The following FOXN3 variants were observed in gnomAD, a reference collection of about 807,000 sequenced individuals.
The protein encoded by FOXN3 is forkhead box protein N3.
Under a neutral mutation model 38.4 loss-of-function variants are expected in FOXN3, and 7 were observed. The observed-to-expected ratio is 0.18, with a 90% CI of 0.10 to 0.34. FOXN3 has a LOEUF of 0.34. Ranked by LOEUF, FOXN3 falls within the 10% of genes least tolerant of loss-of-function variation. The pLI is 1.00. For missense variants in FOXN3, 456 were observed against 613.4 expected (o/e 0.74, Z 2.71); for synonymous variants, 230 against 242.2 (o/e 0.95, Z 0.47).
In FOXN3 at chr14:89,426,371, G is replaced by A. The variant is rs1260465418; in HGVS notation, c.-14-13881C>T. On this transcript the variant is annotated intron_variant, in intron 1 of 6. Coordinates refer to the FOXN3 transcript ENST00000345097. ...CTCCTGAGTAGCTGGGATTACAGGCGCCCACCATCACGCCCAGCTAATTTT... is the reference window on the plus strand; with the variant it reads ...CTCCTGAGTAGCTGGGATTACAGGCACCCACCATCACGCCCAGCTAATTTT... Among the ~76,000 whole-genome samples, 5 of 145,522 alleles carry A rather than the reference G, an allele frequency of 3.4e-5. No individual in the cohort carries two copies. The East Asian group carries it at 6.0e-4, about 17-fold the overall frequency.
intron 3 of FOXN3, among the ~76,000 whole-genome samples, chr14:89,333,990 A>ATC (rs1813721137): frequency 2.2e-5 from 2 of 90,774 alleles, no homozygotes; most frequent in African/African-American, 1.1e-4. Flanking sequence ...ATATATATAT[A>ATC]TATATATATA....
chr14:89,197,838 C>T (rs1007063037), intron 4 of FOXN3, among the ~76,000 whole-genome samples: 18 of 152,320 alleles, frequency 1.2e-4, no homozygotes, highest in African/African-American at 3.6e-4. Flanking sequence ...AGGCGAAGAA[C>T]GGCTGTCGCA....
In FOXN3 at chr14:89,162,840, C is replaced by T. The variant is rs775759046; in HGVS notation, c.981G>A (p.Ser327=). The T allele has an allele frequency of 2.0e-5, 33 of 1,611,462 alleles. No individual in the cohort carries two copies. The highest frequency in any genetic ancestry group is 2.7e-5 in the Non-Finnish European group (32 of 1,179,940). ...AGGAGGAGATGGAGTCGCTGGTGGG[C>T]GAGGTGCTCCGGGCGTTGGAGGACT... The part of the protein sequence containing the change: ...SAKSSNARST[S]PTSDSISSSS... Residue 327 remains serine, a synonymous_variant, in exon 6 of 6, where the codon TCG becomes TCA. Transcript: ENST00000557258. This position sits in a 1 kb window ranked among gnomAD's most constrained non-coding sequence, Gnocchi z 7.2.
chr14:89,310,167 A>G (rs1319811944), intron 3 of FOXN3, among the ~76,000 whole-genome samples: 1 of 152,212 alleles, frequency 6.6e-6, no homozygotes. Context: ...CTCTGCTACA[A>G]TGAATAGCTT....
chr14:89,547,224 GTTATTTATTTATTTATTTATTTAT>G (rs142859577), intron 1 of FOXN3, among the ~76,000 whole-genome samples: 131 of 144,862 alleles, frequency 9.0e-4, no homozygotes, highest in African/African-American at 3.1e-3. Flanking sequence ...CAGACACTAG[GTTATTTATTTATTTATTTATTTAT>G]TTATTTATTT....
rs1467605292 is a variant in FOXN3, at chr14:89,511,199, TTTCTTTTC to T, written c.-14-98717_-14-98710del. Among the ~76,000 whole-genome samples, 7 of 18,088 alleles carry T rather than the reference TTTCTTTTC, an allele frequency of 3.9e-4. 2 individuals are homozygous for T. Among genetic ancestry groups the T allele is most frequent in the Non-Finnish European group, 8.6e-4 (3 of 3,476 alleles). 11.9% of individuals were successfully genotyped at this position (18,088 alleles called of 152,430 possible). A position where few individuals can be genotyped will look rare whatever the true frequency, so the allele number is the denominator to read the frequency against. ...TTTCTTTCTTTCTTTCTTTTCTTTC[TTTCTTTTC>T]TTTCTTTCTTTCTTTCTTTCTTTTC... is the stretch of plus-strand genomic sequence containing the variant. On this transcript the variant is annotated intron_variant, in intron 1 of 6. Transcript: ENST00000345097.
At chr14:89,522,574 T>C (rs1321135664) in intron 1 of FOXN3, among the ~76,000 whole-genome samples, 1 of 152,086 alleles carries the variant, frequency 6.6e-6, no homozygotes, top group Non-Finnish European at 1.5e-5. Flanking sequence ...AAGTAAAACA[T>C]ATGTCAACAA....
intron 3 of FOXN3, chr14:89,284,329 G>GGTC (rs1886550317): frequency 2.6e-6 from 1 of 384,942 alleles, no homozygotes; most frequent in African/African-American, 2.1e-5. Context: ...GTTCTATAGG[G>GGTC]AGACAGACAG....
chr14:89,229,382 C>T (rs901383986), intron 4 of FOXN3, among the ~76,000 whole-genome samples: 6 of 152,154 alleles, frequency 3.9e-5, no homozygotes, highest in Non-Finnish European at 7.3e-5. Context: ...TAAGCTCTTG[C>T]CACTCTGACC....
intron 4 of FOXN3, among the ~76,000 whole-genome samples, chr14:89,239,312 C>T (rs930707327): frequency 3.3e-5 from 5 of 152,268 alleles, no homozygotes; most frequent in African/African-American, 7.2e-5. Flanking sequence ...TTGTTAATTT[C>T]GTAAGCGGGG....
chr14:89,505,452 T>G lies in FOXN3; in HGVS notation c.-14-92962A>C, dbSNP rs1238077740. 7.2e-5 allele frequency among the ~76,000 whole-genome samples: 11 copies of G among 152,216 alleles called. No homozygotes were observed. In the South Asian group the frequency reaches 1.7e-3, roughly 23 times the overall value. On this transcript the variant is annotated intron_variant, in intron 1 of 6. Transcript: ENST00000345097. ...GCCACGCCTGACTGGTTTTCGTATT[T>G]TTTTGGTGGAGACGGGGTTTCGCTG...
chr14:89,604,146 A>T (rs1198620233), intron 1 of FOXN3, among the ~76,000 whole-genome samples: 4 of 152,000 alleles, frequency 2.6e-5, no homozygotes, highest in Non-Finnish European at 5.9e-5. Flanking sequence ...CTCACTTTCA[A>T]CTCCAACCCA....
chr14:89,505,288 C>T (rs1893891104), intron 1 of FOXN3, among the ~76,000 whole-genome samples: 1 of 151,060 alleles, frequency 6.6e-6, no homozygotes, highest in Non-Finnish European at 1.5e-5. Flanking sequence ...CTCCCCCTCC[C>T]CCTCCCCCTC....
intron 2 of FOXN3, among the ~76,000 whole-genome samples, chr14:89,355,598 C>T (rs762742663): frequency 5.9e-5 from 9 of 152,038 alleles, no homozygotes; most frequent in Non-Finnish European, 1.2e-4. Flanking sequence ...ATGAAATGAA[C>T]GGAATGGATC....
At chr14:89,390,313 C>A (rs12882919) in intron 2 of FOXN3, among the ~76,000 whole-genome samples, 65,886 of 143,200 alleles carry the variant, frequency 0.46, 15,270 homozygotes, top group South Asian at 0.49. Flanking sequence ...CTCTCTCTCT[C>A]TATATATATA....
At chr14:89,275,534 C>G (rs1418944118) in intron 4 of FOXN3, among the ~76,000 whole-genome samples, 1 of 152,198 alleles carries the variant, frequency 6.6e-6, no homozygotes, top group Non-Finnish European at 1.5e-5. Context: ...TCCCTTGACT[C>G]ATAATCCAGT....
chr14:89,258,053 C>T (rs942224282), intron 4 of FOXN3, among the ~76,000 whole-genome samples: 1 of 152,086 alleles, frequency 6.6e-6, no homozygotes, highest in Non-Finnish European at 1.5e-5. Context: ...GAATGACCAA[C>T]CATCCTTGAG....
At chr14:89,178,876 G>C (rs1256782896) in intron 5 of FOXN3, among the ~76,000 whole-genome samples, 1 of 152,150 alleles carries the variant, frequency 6.6e-6, no homozygotes, top group Non-Finnish European at 1.5e-5. Flanking sequence ...ATGGTCAAGA[G>C]GATAAACTGT....
chr14:89,540,108 C>T (rs567700125), intron 1 of FOXN3, among the ~76,000 whole-genome samples: 21 of 152,288 alleles, frequency 1.4e-4, no homozygotes, highest in Admixed American at 7.8e-4. Context: ...TGTTTTCTCA[C>T]GCCACTCCTT....
Sources: allele counts gnomAD v4.1 joint callset (sites outside exome capture counted in the v4.1 genomes callset), GRCh38; gene constraint gnomAD v4.1.1; non-coding constraint Gnocchi (gnomAD v3.1); transcripts MANE v1.5; gene names NCBI Gene and HGNC (gene_info 2026-07-23, HGNC 2026-07-21).